KIF1B: variants seen among roughly 807,000 people sequenced by gnomAD.
The protein encoded by KIF1B is kinesin family member 1B.
Under a neutral mutation model 241.9 loss-of-function variants are expected in KIF1B, and 76 were observed. The ratio of observed to expected loss-of-function variants is 0.31; its 90% CI spans 0.26 to 0.38. KIF1B has a LOEUF of 0.38. Among genes scored for constraint, KIF1B ranks in the 10% least tolerant of loss-of-function variants. KIF1B has a pLI of 1.00. For missense variants in KIF1B, 1,622 were observed against 2,271.4 expected (o/e 0.71, Z 5.81); for synonymous variants, 750 against 796.7 (o/e 0.94, Z 0.99).
At chr1:10,339,149 T>C (rs1161364808) in intron 31 of KIF1B, among the ~76,000 whole-genome samples, 4 of 152,214 alleles carry the variant, frequency 2.6e-5, no homozygotes, top group Non-Finnish European at 1.5e-5. Flanking sequence ...TATAGCCCAT[T>C]GTTTTAACAA....
At chr1:10,255,363 G>A (rs917489096) in intron 2 of KIF1B, among the ~76,000 whole-genome samples, 9 of 151,944 alleles carry the variant, frequency 5.9e-5, no homozygotes, top group Admixed American at 3.9e-4. Context: ...GCGGAGATGC[G>A]CAGATCACCT....
At chr1:10,355,705 GTTTTCTGTTTTCCTCT>G (rs1355368564) in intron 38 of KIF1B, among the ~76,000 whole-genome samples, 1 of 151,888 alleles carries the variant, frequency 6.6e-6, no homozygotes, top group African/African-American at 2.4e-5. Flanking sequence ...CTCAGGTTTT[GTTTTCTGTTTTCCTCT>G]TTATCTGTCT....
chr1:10,268,234 G>T lies in KIF1B; in HGVS notation c.691G>T (p.Asp231Tyr), dbSNP rs760067826. ...FTIVFTQKKHDNETNLSTEKV... is the reference protein window; with the variant it reads ...FTIVFTQKKHYNETNLSTEKV... The stretch of plus-strand genomic sequence containing the variant: ...GATTGTTTTCACCCAGAAGAAACAC[G>T]ATAATGAGACCAACCTTTCCACTGA... The change falls in exon 7 of 49, where the codon GAT (aspartate) becomes TAT (tyrosine). Residue 231 changes from aspartate (D) to tyrosine (Y), a missense_variant. Asp to Tyr is a radical substitution (Grantham distance 160, BLOSUM62 -3). Transcript: ENST00000676179. 3.1e-6 allele frequency: 5 copies of T among 1,612,720 alleles called. No individual in the cohort carries two copies. Among genetic ancestry groups the T allele is most frequent in the Non-Finnish European group, 3.4e-6 (4 of 1,178,736 alleles).
At chr1:10,370,204 C>T (rs1220057944) in intron 44 of KIF1B, among the ~76,000 whole-genome samples, 4 of 152,182 alleles carry the variant, frequency 2.6e-5, no homozygotes, top group Admixed American at 2.0e-4. Flanking sequence ...GAGCCAAGAT[C>T]GCACCACTGC....
chr1:10,256,342 C>T lies in KIF1B; in HGVS notation c.183+19C>T. The T allele has an allele frequency of 1.3e-6, 2 of 1,484,518 alleles. No individual in the cohort carries two copies. The highest frequency in any genetic ancestry group is 1.9e-6 in the Non-Finnish European group (2 of 1,061,660). The allele number at this position is 1,484,518 out of a possible 1,614,324, so 92.0% of individuals were successfully genotyped here. A position where few individuals can be genotyped will look rare whatever the true frequency, so the allele number is the denominator to read the frequency against. ...TACCTCAGTGAGTACCCTCATGCCA[C>T]AGCACTGCCAGCTCCTGCCTCCTTT... On this transcript the variant is annotated intron_variant, in intron 3 of 48. Coordinates refer to ENST00000676179, the MANE Select transcript of KIF1B (RefSeq NM_001365951.3).
intron 22 of KIF1B, among the ~76,000 whole-genome samples, chr1:10,309,657 C>CT (rs1300857412): frequency 4.6e-5 from 7 of 151,558 alleles, no homozygotes; most frequent in Non-Finnish European, 1.0e-4. Flanking sequence ...ACCATCATCT[C>CT]TCATCGAGAG....
chr1:10,298,639 TGTA>T (rs1291875718), intron 22 of KIF1B, among the ~76,000 whole-genome samples: 22 of 152,188 alleles, frequency 1.4e-4, no homozygotes, highest in African/African-American at 5.3e-4. Flanking sequence ...ATCTTAATAA[TGTA>T]GTACATTCTA....
intron 1 of KIF1B, among the ~76,000 whole-genome samples, chr1:10,217,065 C>G (rs1166504086): frequency 2.1e-5 from 3 of 142,882 alleles, no homozygotes; most frequent in Non-Finnish European, 4.5e-5. Context: ...CCTCTGCCTC[C>G]CGGATTCAAG....
At chr1:10,222,860 A>G (rs765208294) in intron 1 of KIF1B, among the ~76,000 whole-genome samples, 2 of 152,202 alleles carry the variant, frequency 1.3e-5, no homozygotes, top group Non-Finnish European at 2.9e-5. Context: ...TAGAGTATGT[A>G]TGGTTACCTT....
chr1:10,291,561 A>G (rs1412362206), intron 16 of KIF1B, among the ~76,000 whole-genome samples: 1 of 151,938 alleles, frequency 6.6e-6, no homozygotes, highest in Non-Finnish European at 1.5e-5. Context: ...ATACAAAACA[A>G]ATTAGCCGGG....
At position 10,268,097 on chromosome 1, in the gene KIF1B, TTC is replaced by T. The variant is rs1389804490; in HGVS notation, c.609-54_609-53del. On this transcript the variant is annotated intron_variant, in intron 6 of 48. Transcript: ENST00000676179. The stretch of plus-strand genomic sequence containing the variant: ...TTATAATGTGGAGCCTGCTGTCCAT[TTC>T]AACTCTCATCTAAGAATTCCCTTGT... 1,979 of 1,161,852 alleles carry T rather than the reference TTC, an allele frequency of 1.7e-3. 19 individuals are homozygous for T. In the African/African-American group the frequency reaches 0.025, roughly 15 times the overall value. 72.0% of individuals were successfully genotyped at this position (1,161,852 alleles called of 1,614,324 possible).
At chr1:10,359,399 G>C (rs79163180) in intron 38 of KIF1B, among the ~76,000 whole-genome samples, 2,894 of 152,262 alleles carry the variant, frequency 0.019, 41 homozygotes, top group Non-Finnish European at 0.028. Context: ...ATAGGGGTCT[G>C]AGAAGGGAAA....
chr1:10,235,382 A>G (rs1433109062), intron 2 of KIF1B, among the ~76,000 whole-genome samples: 5 of 151,892 alleles, frequency 3.3e-5, no homozygotes, highest in Non-Finnish European at 7.4e-5. Context: ...CCTCCCTAGT[A>G]GTTGGGACCA....
intron 39 of KIF1B, among the ~76,000 whole-genome samples, chr1:10,361,306 A>AT (rs994747017): frequency 2.0e-5 from 3 of 152,154 alleles, no homozygotes; most frequent in Admixed American, 2.0e-4. Context: ...AGAATGTGTG[A>AT]TTTTTAAGAA....
At chr1:10,257,897 G>A (rs1280455424) in intron 3 of KIF1B, among the ~76,000 whole-genome samples, 1 of 152,062 alleles carries the variant, frequency 6.6e-6, no homozygotes, top group Non-Finnish European at 1.5e-5. Context: ...GGCTGGTCTC[G>A]AATTCCTATC....
chr1:10,279,260 T>C, intron 14 of KIF1B, 122 bp downstream of exon 14: 2 of 574,982 alleles, frequency 3.5e-6, no homozygotes. Flanking sequence ...AGACAGAGCA[T>C]AGTATAGAAT....
At chr1:10,360,684 CAAAA>C (rs754892826) in intron 38 of KIF1B, among the ~76,000 whole-genome samples, 20 of 64,490 alleles carry the variant, frequency 3.1e-4, no homozygotes, top group East Asian at 4.8e-4. Flanking sequence ...AATTCTGTCT[CAAAA>C]AAAAAAAAAA....
intron 17 of KIF1B, among the ~76,000 whole-genome samples, chr1:10,292,711 C>A (rs150750773): frequency 6.6e-6 from 1 of 152,154 alleles, no homozygotes; most frequent in Non-Finnish European, 1.5e-5. Flanking sequence ...GAAGTAGTTA[C>A]GTAGCTTTTA....
intron 2 of KIF1B, among the ~76,000 whole-genome samples, chr1:10,236,939 A>G (rs1647065408): frequency 6.6e-6 from 1 of 152,202 alleles, no homozygotes; most frequent in Admixed American, 6.6e-5. Flanking sequence ...GCTGCATTAA[A>G]AAGGCTGCTT....
Sources: gnomAD v4.1 joint callset for allele counts (sites outside exome capture counted in the v4.1 genomes callset) on GRCh38, gnomAD v4.1.1 for gene constraint, MANE v1.5 for transcripts, NCBI Gene and HGNC (gene_info 2026-07-23, HGNC 2026-07-21) for gene names.